PPM1B: variants seen among roughly 807,000 people sequenced by gnomAD.
PPM1B encodes the protein protein phosphatase 1B.
Under a neutral mutation model 43.0 loss-of-function variants are expected in PPM1B, and 22 were observed. That is an observed-to-expected ratio of 0.51 (90% CI 0.37 to 0.73). The LOEUF is 0.73. Ranked by LOEUF, PPM1B falls within the 30% of genes least tolerant of loss-of-function variation. PPM1B has a pLI of 0.00. For synonymous variants in PPM1B, 217 were observed against 197.9 expected, an observed-to-expected ratio of 1.10 and a Z score of -0.81; for missense variants, 632 against 584.2, an observed-to-expected ratio of 1.08 and a Z score of -0.84.
intron 5 of PPM1B, among the ~76,000 whole-genome samples, chr2:44,227,911 C>T (rs1167171236): frequency 8.4e-5 from 11 of 130,254 alleles, no homozygotes; most frequent in African/African-American, 1.1e-4. Context: ...CTTTTTTTTT[C>T]TTTTTCTTTT....
intron 5 of PPM1B, among the ~76,000 whole-genome samples, chr2:44,227,815 C>T (rs1377282752): frequency 6.6e-6 from 1 of 151,756 alleles, no homozygotes; most frequent in Non-Finnish European, 1.5e-5. Context: ...CTACTGTGCC[C>T]GGCCCAGTAT....
chr2:44,182,753 T>G (rs941643249), intron 1 of PPM1B, among the ~76,000 whole-genome samples: 2 of 152,192 alleles, frequency 1.3e-5, no homozygotes, highest in Non-Finnish European at 2.9e-5. Context: ...TTTCATACTT[T>G]TTTTCTTTCT....
chr2:44,176,965 A>G (rs1667611424), intron 1 of PPM1B, among the ~76,000 whole-genome samples: 1 of 152,120 alleles, frequency 6.6e-6, no homozygotes, highest in African/African-American at 2.4e-5. Flanking sequence ...TTTTTCGTAG[A>G]GACGGGGTTT....
chr2:44,199,087 T>G (rs1346197922), intron 1 of PPM1B, among the ~76,000 whole-genome samples: 1 of 151,806 alleles, frequency 6.6e-6, no homozygotes, highest in African/African-American at 2.4e-5. Context: ...TGAAACCCCA[T>G]CTCTACTAAA....
At chr2:44,204,617 A>C (rs1027606079) in intron 2 of PPM1B, among the ~76,000 whole-genome samples, 1 of 152,104 alleles carries the variant, frequency 6.6e-6, no homozygotes, top group Non-Finnish European at 1.5e-5. Flanking sequence ...AATTTTCACA[A>C]CCATATGAGG....
intron 2 of PPM1B, among the ~76,000 whole-genome samples, chr2:44,205,675 T>C (rs1264042466): frequency 6.6e-6 from 1 of 152,166 alleles, no homozygotes; most frequent in Admixed American, 6.5e-5. Flanking sequence ...TTGTCACCTG[T>C]TTTGTTTTTC....
At chr2:44,202,905 G>C (rs1374576546) in intron 2 of PPM1B, among the ~76,000 whole-genome samples, 1 of 152,126 alleles carries the variant, frequency 6.6e-6, no homozygotes, top group African/African-American at 2.4e-5. Flanking sequence ...TAAAATTTGA[G>C]TTATCTGGCC....
At chr2:44,228,421 A>G (rs935803246) in intron 5 of PPM1B, among the ~76,000 whole-genome samples, 1 of 152,016 alleles carries the variant, frequency 6.6e-6, no homozygotes, top group South Asian at 2.1e-4. Context: ...GAATCCTCCT[A>G]CCCGTCTCCC....
intron 5 of PPM1B, chr2:44,244,204 T>TA: frequency 8.5e-7 from 1 of 1,174,818 alleles, no homozygotes; most frequent in Non-Finnish European, 1.1e-6. Context: ...ATATATATAT[T>TA]TCAATTTCTA....
downstream of PPM1B, among the ~76,000 whole-genome samples, chr2:44,244,741 ACT>A (rs1011983115): frequency 6.8e-6 from 1 of 146,298 alleles, no homozygotes; most frequent in African/African-American, 2.5e-5. Flanking sequence ...AATCTGAATA[ACT>A]CTTATATATT....
intron 1 of PPM1B, among the ~76,000 whole-genome samples, chr2:44,200,354 A>G (rs916644377): frequency 1.3e-4 from 20 of 152,196 alleles, no homozygotes; most frequent in Admixed American, 2.0e-4. Flanking sequence ...AAATTGGGAA[A>G]GCTTTATTCT....
chr2:44,185,741 T>A (rs1668089121), intron 1 of PPM1B, among the ~76,000 whole-genome samples: 2 of 151,986 alleles, frequency 1.3e-5, no homozygotes, highest in African/African-American at 4.8e-5. Flanking sequence ...GACTAGCCTA[T>A]TTTTATCAGT....
At chr2:44,204,068 C>T (rs1240516930) in intron 2 of PPM1B, among the ~76,000 whole-genome samples, 1 of 152,166 alleles carries the variant, frequency 6.6e-6, no homozygotes, top group Non-Finnish European at 1.5e-5. Flanking sequence ...GCCCATGATT[C>T]ATTCAATGTT....
At chr2:44,183,714 A>G (rs756816159) in intron 1 of PPM1B, among the ~76,000 whole-genome samples, 1 of 152,026 alleles carries the variant, frequency 6.6e-6, no homozygotes, top group Non-Finnish European at 1.5e-5. Context: ...TTGGAATTGG[A>G]CTGCATGATT....
intron 5 of PPM1B, 73 bp from the exon 6 acceptor site, chr2:44,230,340 T>C: frequency 6.4e-7 from 1 of 1,554,008 alleles, no homozygotes; most frequent in South Asian, 1.3e-5. Context: ...AGTATTTTGC[T>C]GTAATGTGTT....
At chr2:44,216,296 G>GC (rs1348109920) in intron 3 of PPM1B, among the ~76,000 whole-genome samples, 5 of 152,140 alleles carry the variant, frequency 3.3e-5, no homozygotes, top group African/African-American at 1.2e-4. Context: ...GGTGCCACTG[G>GC]CATCTAGTGA....
At chr2:44,184,464 TC>T (rs560158057) in intron 1 of PPM1B, among the ~76,000 whole-genome samples, 1 of 152,202 alleles carries the variant, frequency 6.6e-6, no homozygotes, top group African/African-American at 2.4e-5. Context: ...TAGTGTCTTC[TC>T]TTTTTAAATT....
intron 3 of PPM1B, among the ~76,000 whole-genome samples, chr2:44,211,283 C>T (rs897997157): frequency 6.6e-6 from 1 of 152,148 alleles, no homozygotes; most frequent in Non-Finnish European, 1.5e-5. Context: ...GCTGTCATGC[C>T]TCTTTAGTCT....
chr2:44,234,877 A>G (rs548779914), downstream of PPM1B, among the ~76,000 whole-genome samples: 15 of 152,376 alleles, frequency 9.8e-5, no homozygotes, highest in African/African-American at 3.6e-4. Flanking sequence ...GGATACAAAA[A>G]TTCAGTGTAA....
Sources: gnomAD v4.1 joint callset for allele counts (sites outside exome capture counted in the v4.1 genomes callset) on GRCh38, gnomAD v4.1.1 for gene constraint, MANE v1.5 for transcripts, NCBI Gene and HGNC (gene_info 2026-07-23, HGNC 2026-07-21) for gene names.